AFF3: variants seen among roughly 807,000 people sequenced by gnomAD.
The protein encoded by AFF3 is AF4/FMR2 family member 3.
In AFF3, 32 loss-of-function variants were observed where a neutral mutation model predicts 129.7. The observed-to-expected ratio is 0.25, with a 90% CI of 0.19 to 0.33. The LOEUF is 0.33. Ranked by LOEUF, AFF3 falls within the 10% of genes least tolerant of loss-of-function variation. The pLI is 1.00. For synonymous variants in AFF3, 644 were observed against 635.4 expected, an observed-to-expected ratio of 1.01 and a Z score of -0.20; for missense variants, 1,373 against 1,592.0, an observed-to-expected ratio of 0.86 and a Z score of 2.34.
At chr2:100,079,265 T>A (rs1688851691) in intron 4 of AFF3, among the ~76,000 whole-genome samples, 1 of 152,148 alleles carries the variant, frequency 6.6e-6, no homozygotes, top group Non-Finnish European at 1.5e-5. Flanking sequence ...ATATTTTCAA[T>A]CCAAGTTTGG....
chr2:100,104,670 G>A (rs1430235175), intron 3 of AFF3, 152 bp from the exon 4 acceptor site: 15 of 854,744 alleles, frequency 1.8e-5, no homozygotes, highest in East Asian at 2.9e-4. Flanking sequence ...GCACTCACCC[G>A]CTCCCCGGCT....
At chr2:99,782,350 G>A (rs988764255) in intron 8 of AFF3, among the ~76,000 whole-genome samples, 9 of 152,024 alleles carry the variant, frequency 5.9e-5, no homozygotes, top group Non-Finnish European at 1.3e-4. Flanking sequence ...CTGCCAGCAT[G>A]AGAGAGAGTA....
At chr2:99,855,198 A>C (rs181558538) in intron 7 of AFF3, among the ~76,000 whole-genome samples, 5 of 152,334 alleles carry the variant, frequency 3.3e-5, no homozygotes, top group Admixed American at 3.3e-4. Context: ...TAAAGGGTAA[A>C]GGGTTTCTTT....
At chr2:99,645,866 A>T (rs905567158) in intron 13 of AFF3, among the ~76,000 whole-genome samples, 18 of 152,178 alleles carry the variant, frequency 1.2e-4, no homozygotes, top group African/African-American at 4.3e-4. Flanking sequence ...TTTAGAAAAT[A>T]AATCAGGCGA....
chr2:100,105,640 C>G, intron 2 of AFF3, 57 bp from the exon 3 acceptor site: 3 of 1,341,310 alleles, frequency 2.2e-6, no homozygotes, highest in Non-Finnish European at 3.0e-6. Flanking sequence ...TAATCTCCCT[C>G]ATTGTAAAGA....
At chr2:100,049,536 A>C (rs1420091517) in intron 4 of AFF3, among the ~76,000 whole-genome samples, 5 of 152,218 alleles carry the variant, frequency 3.3e-5, no homozygotes, top group Non-Finnish European at 5.9e-5. Context: ...ATCTGAATAT[A>C]AACTGTGCAC....
chr2:99,975,144 TTG>T (rs1678751098), intron 7 of AFF3, among the ~76,000 whole-genome samples: 1 of 152,246 alleles, frequency 6.6e-6, no homozygotes, highest in Non-Finnish European at 1.5e-5. Flanking sequence ...CAACTTGATT[TTG>T]TGTTTCACCA....
intron 7 of AFF3, among the ~76,000 whole-genome samples, chr2:99,888,083 T>A (rs900830083): frequency 6.6e-6 from 1 of 152,222 alleles, no homozygotes; most frequent in South Asian, 2.1e-4. Context: ...GCATCAAATG[T>A]CTTAGAAATG....
At chr2:99,959,696 CATAT>C (rs58551565) in intron 7 of AFF3, among the ~76,000 whole-genome samples, 1,536 of 138,076 alleles carry the variant, frequency 0.011, 21 homozygotes, top group African/African-American at 0.033. Context: ...TAGTGTATAG[CATAT>C]ATATATATAT....
At chr2:99,806,233 G>C (rs1686337513) in intron 8 of AFF3, among the ~76,000 whole-genome samples, 1 of 152,122 alleles carries the variant, frequency 6.6e-6, no homozygotes, top group South Asian at 2.1e-4. Flanking sequence ...ATTCATCTGT[G>C]GTAGGTTAAT....
chr2:99,585,059 G>C (rs1559506100), intron 16 of AFF3, among the ~76,000 whole-genome samples: 1 of 152,216 alleles, frequency 6.6e-6, no homozygotes, highest in African/African-American at 2.4e-5. Flanking sequence ...TCACGCAAAA[G>C]TGCTTTGGGA....
chr2:99,691,278 A>G (rs1479195730), intron 11 of AFF3, among the ~76,000 whole-genome samples: 1 of 152,166 alleles, frequency 6.6e-6, no homozygotes, highest in African/African-American at 2.4e-5. Context: ...GTTCAAGGGG[A>G]TACTTAGAGT....
intron 2 of AFF3, among the ~76,000 whole-genome samples, chr2:100,108,059 A>ACAGCATCTCCTCCAGCTTTGTCCCCTG (rs1451173369): frequency 2.0e-5 from 3 of 152,110 alleles, no homozygotes; most frequent in Non-Finnish European, 4.4e-5. Context: ...CTCAGCCCCT[A>ACAGCATCTCCTCCAGCTTTGTCCCCTG]CAGCATCTCC....
rs140371402 is a variant in AFF3 at position 99,900,849 on chromosome 2, A to G, written c.874-63325T>C. Among the ~76,000 whole-genome samples, 376 of 152,312 alleles carry G rather than the reference A, an allele frequency of 2.5e-3. 1 individual carries two copies. The highest frequency in any genetic ancestry group is 8.7e-3 in the African/African-American group (362 of 41,582). On this transcript the variant is annotated intron_variant, in intron 7 of 24. Coordinates refer to ENST00000672756, the MANE Select transcript of AFF3 (RefSeq NM_001386135.1). ...GACGAAAGGCTGTCTGGCAGGTTTG[A>G]TGATCTCCGCAAAATAGGTCTGGCT...
chr2:99,875,748 C>T (rs990553787), intron 7 of AFF3, among the ~76,000 whole-genome samples: 76 of 152,062 alleles, frequency 5.0e-4, no homozygotes, highest in African/African-American at 1.6e-3. Context: ...TCTGGAAGGC[C>T]GGTGAGCTCA....
chr2:99,718,828 G>A (rs1240331244), intron 11 of AFF3, among the ~76,000 whole-genome samples: 2 of 151,256 alleles, frequency 1.3e-5, no homozygotes, highest in African/African-American at 4.9e-5. Context: ...TCAGCCCACT[G>A]CAAGCTCTGC....
At chr2:99,788,230 C>T (rs1684947596) in intron 8 of AFF3, among the ~76,000 whole-genome samples, 1 of 152,020 alleles carries the variant, frequency 6.6e-6, no homozygotes, top group Non-Finnish European at 1.5e-5. Flanking sequence ...GAGTGCACTC[C>T]TTCTACTCAT....
chr2:99,975,868 GAAAAAAAA>G (rs5832890), intron 7 of AFF3, among the ~76,000 whole-genome samples: 3 of 74,648 alleles, frequency 4.0e-5, no homozygotes, highest in African/African-American at 1.4e-4. Context: ...AGATTAAAAT[GAAAAAAAA>G]AAAAAAGAAA....
At chr2:99,830,666 G>T (rs1400553560) in intron 8 of AFF3, among the ~76,000 whole-genome samples, 1 of 152,170 alleles carries the variant, frequency 6.6e-6, no homozygotes, top group East Asian at 1.9e-4. Flanking sequence ...CAGGAGAATT[G>T]CTTGAACCAA....
Sources: gnomAD v4.1 joint callset for allele counts (sites outside exome capture counted in the v4.1 genomes callset) on GRCh38, gnomAD v4.1.1 for gene constraint, MANE v1.5 for transcripts, NCBI Gene and HGNC (gene_info 2026-07-23, HGNC 2026-07-21) for gene names.